Variants in DTNA observed in about 807,000 individuals in gnomAD.
The protein encoded by DTNA is dystrophin-related protein 3.
Under a neutral mutation model 100.7 loss-of-function variants are expected in DTNA, and 43 were observed. The observed-to-expected ratio is 0.43, with a 90% confidence interval of 0.33 to 0.55. The LOEUF (loss-of-function observed/expected upper bound fraction) is 0.55, where lower values mean the gene tolerates loss of function less well. DTNA is among the 20% of genes least tolerant of loss of function. DTNA has a pLI of 0.04. For missense variants in DTNA, 798 were observed against 953.9 expected, an observed-to-expected ratio of 0.84 and a Z score of 2.15; for synonymous variants, 349 against 347.9, an observed-to-expected ratio of 1.00 and a Z score of -0.04.
Position 34,889,026 on chromosome 18 carries a change from T to A in DTNA, c.*1292T>A. ...TATCAAAGACAAGAGGATAAAAGAC[T>A]GGGATAGTCTTTTCCAAGGACCCTC... On this transcript the variant is annotated 3_prime_UTR_variant, in exon 23 of 23. Coordinates refer to ENST00000444659, the MANE Select transcript of DTNA (RefSeq NM_001386795.1). The A allele has an allele frequency of 2.0e-6, 2 of 985,876 alleles. No individual in the cohort carries two copies. The highest frequency in any genetic ancestry group is 2.4e-6 in the Non-Finnish European group (2 of 829,932). 61.1% of individuals were successfully genotyped at this position (985,876 alleles called of 1,614,324 possible).
In DTNA at chr18:34,771,416, A is replaced by G. The variant is rs574029196; in HGVS notation, c.148+5375A>G. Among the ~76,000 whole-genome samples, 1,014 of 151,908 alleles carry G rather than the reference A, an allele frequency of 6.7e-3. 10 individuals carry two copies. Among genetic ancestry groups the G allele is most frequent in the African/African-American group, 0.023 (969 of 41,248 alleles). ...TGGGAGGCTAAGGCAGGAGAATGGCATGAACCCGGGGAGGTGGAGATTGCA... is the reference window on the plus strand; with the variant it reads ...TGGGAGGCTAAGGCAGGAGAATGGCGTGAACCCGGGGAGGTGGAGATTGCA... On this transcript the variant is annotated intron_variant, in intron 3 of 22. Transcript: ENST00000444659.
In DTNA at chr18:34,761,296, A is replaced by G. The variant is rs182612659; in HGVS notation, c.68-4665A>G. 1.5e-4 allele frequency among the ~76,000 whole-genome samples: 23 copies of G among 152,356 alleles called. No homozygotes were observed. In the East Asian group the frequency reaches 4.4e-3, roughly 29 times the overall value. Reference sequence around the variant, plus strand: ...GATATTTAAGAATCAAAATGGCTATATATTAATAGAGCTATCAAAAATGGC... The same window carrying G: ...GATATTTAAGAATCAAAATGGCTATGTATTAATAGAGCTATCAAAAATGGC... On this transcript the variant is annotated intron_variant, in intron 2 of 22. Transcript: ENST00000444659.
At chr18:34,550,504 G>A (rs773935552) in intron 1 of DTNA, among the ~76,000 whole-genome samples, 7 of 152,036 alleles carry the variant, frequency 4.6e-5, no homozygotes, top group African/African-American at 1.2e-4. Context: ...CAGGTGAATC[G>A]ACACATTTTT....
At chr18:34,629,965 C>T (rs1375991084) in intron 1 of DTNA, among the ~76,000 whole-genome samples, 2 of 152,198 alleles carry the variant, frequency 1.3e-5, no homozygotes, top group Non-Finnish European at 2.9e-5. Context: ...ATCTCATGCT[C>T]TGTGTCGTAG....
At chr18:34,764,047 G>A (rs1369542543) in intron 2 of DTNA, among the ~76,000 whole-genome samples, 1 of 152,188 alleles carries the variant, frequency 6.6e-6, no homozygotes. Context: ...GGGGAAAAGA[G>A]TATGTGACTC....
intron 1 of DTNA, among the ~76,000 whole-genome samples, chr18:34,673,313 C>T (rs535999464): frequency 9.2e-5 from 14 of 152,006 alleles, no homozygotes; most frequent in South Asian, 4.2e-4. Flanking sequence ...GAGATACTTA[C>T]GTAAACTTAA....
At chr18:34,592,433 C>T (rs1325411052) in intron 1 of DTNA, among the ~76,000 whole-genome samples, 1 of 150,228 alleles carries the variant, frequency 6.7e-6, no homozygotes, top group Non-Finnish European at 1.5e-5. Context: ...TTTCCATTCA[C>T]TCAATTTCTC....
intron 1 of DTNA, among the ~76,000 whole-genome samples, chr18:34,522,629 T>C (rs2145257298): frequency 6.6e-6 from 1 of 152,300 alleles, no homozygotes; most frequent in South Asian, 2.1e-4. Context: ...CTCTGCCCTC[T>C]TTTTATTCAT....
Position 34,887,776 on chromosome 18 carries a change from G to C in DTNA, c.*42G>C. Reference sequence around the variant, plus strand: ...ATTCCTTATTCCCAGGCAAGCTATAGTCAGACAGATGATGAAAGTAACATG... The same window carrying C: ...ATTCCTTATTCCCAGGCAAGCTATACTCAGACAGATGATGAAAGTAACATG... On this transcript the variant is annotated 3_prime_UTR_variant, in exon 23 of 23. Transcript: ENST00000444659. 1.0e-5 allele frequency: 10 copies of C among 985,584 alleles called. No individual in the cohort carries two copies. The highest frequency in any genetic ancestry group is 1.2e-5 in the Non-Finnish European group (10 of 829,942). The allele number at this position is 985,584 out of a possible 1,614,324, so 61.1% of individuals were successfully genotyped here. A position where few individuals can be genotyped will look rare whatever the true frequency, so the allele number is the denominator to read the frequency against.
chr18:34,885,399 T>A (rs1197360878), intron 22 of DTNA, among the ~76,000 whole-genome samples: 1 of 152,218 alleles, frequency 6.6e-6, no homozygotes, highest in Non-Finnish European at 1.5e-5. Context: ...AAGCCCTACC[T>A]AAATATGTGG....
intron 1 of DTNA, among the ~76,000 whole-genome samples, chr18:34,645,870 G>A (rs1270673324): frequency 6.6e-6 from 1 of 151,964 alleles, no homozygotes; most frequent in Non-Finnish European, 1.5e-5. Context: ...AAAAAATTGG[G>A]TCTTGCTTAT....
At chr18:34,715,184 G>A (rs1311547751) in intron 1 of DTNA, among the ~76,000 whole-genome samples, 1 of 151,280 alleles carries the variant, frequency 6.6e-6, no homozygotes, top group Admixed American at 6.6e-5. Flanking sequence ...ATGTGCACAT[G>A]TACCCTAAAA....
chr18:34,806,349 G>T, intron 5 of DTNA, 45 bp downstream of exon 5: 3 of 1,543,952 alleles, frequency 1.9e-6, no homozygotes, highest in Non-Finnish European at 2.7e-6. Context: ...TCCTTGCTAG[G>T]TACCACCCTT....
chr18:34,779,366 T>C (rs2094212059), intron 3 of DTNA, among the ~76,000 whole-genome samples: 2 of 152,300 alleles, frequency 1.3e-5, no homozygotes, highest in South Asian at 4.2e-4. Flanking sequence ...TTGAGGGACA[T>C]GGAGATTATT....
chr18:34,613,500 G>T (rs1376333856), intron 1 of DTNA, among the ~76,000 whole-genome samples: 2 of 152,200 alleles, frequency 1.3e-5, no homozygotes, highest in African/African-American at 2.4e-5. Flanking sequence ...TAAATGCAAA[G>T]TAAAAGGGAA....
upstream of DTNA, among the ~76,000 whole-genome samples, chr18:34,706,025 G>A (rs1057077169): frequency 2.6e-5 from 4 of 152,086 alleles, no homozygotes; most frequent in South Asian, 2.1e-4. Context: ...TCAGCTCACC[G>A]CAACCTCCGC....
intron 1 of DTNA, among the ~76,000 whole-genome samples, chr18:34,598,791 G>A (rs1445495793): frequency 2.6e-5 from 4 of 152,154 alleles, no homozygotes; most frequent in African/African-American, 9.6e-5. Context: ...GCATGAACCT[G>A]GGAGGTGGAG....
intron 1 of DTNA, among the ~76,000 whole-genome samples, chr18:34,648,259 C>CT (rs1029932200): frequency 2.0e-5 from 3 of 152,104 alleles, no homozygotes; most frequent in African/African-American, 7.2e-5. Flanking sequence ...TATGTCTAGC[C>CT]TTTTGGTCTT....
intron 1 of DTNA, among the ~76,000 whole-genome samples, chr18:34,494,673 G>A (rs1177942604): frequency 2.6e-5 from 4 of 152,064 alleles, no homozygotes; most frequent in African/African-American, 9.7e-5. Context: ...GCAGGGGGAG[G>A]GGGCAGGGGA....
Sources: gnomAD v4.1 joint callset for allele counts (sites outside exome capture counted in the v4.1 genomes callset) on GRCh38, gnomAD v4.1.1 for gene constraint, MANE v1.5 for transcripts, NCBI Gene and HGNC (gene_info 2026-07-23, HGNC 2026-07-21) for gene names.